The following TRPM3 variants were observed in gnomAD, a reference collection of about 807,000 sequenced individuals.
TRPM3 encodes transient receptor potential cation channel subfamily M member 3.
Under a neutral mutation model 181.2 loss-of-function variants are expected in TRPM3, and 77 were observed. The ratio of observed to expected loss-of-function variants is 0.42; its 90% CI spans 0.35 to 0.51. The LOEUF is 0.51. TRPM3 is among the 20% of genes least tolerant of loss of function. The pLI is 0.01. For synonymous variants in TRPM3, 745 were observed against 796.4 expected, an observed-to-expected ratio of 0.94 and a Z score of 1.09; for missense variants, 1,759 against 2,196.7, an observed-to-expected ratio of 0.80 and a Z score of 3.98.
chr9:70,692,964 T>A (rs1405217898), intron 8 of TRPM3, among the ~76,000 whole-genome samples: 3 of 152,212 alleles, frequency 2.0e-5, no homozygotes, highest in Non-Finnish European at 4.4e-5. Context: ...GATTGACATA[T>A]CTTTCATCCT....
At chr9:71,064,816 T>C (rs2061717134) in intron 1 of TRPM3, among the ~76,000 whole-genome samples, 1 of 152,178 alleles carries the variant, frequency 6.6e-6, no homozygotes, top group South Asian at 2.1e-4. Context: ...TTAGTTCAAT[T>C]GTAATAAAGT....
intron 1 of TRPM3, among the ~76,000 whole-genome samples, chr9:70,891,215 T>C (rs534105199): frequency 6.6e-6 from 1 of 152,026 alleles, no homozygotes; most frequent in Non-Finnish European, 1.5e-5. Context: ...TAATTTTATA[T>C]ACAGTGAAGA....
intron 1 of TRPM3, among the ~76,000 whole-genome samples, chr9:71,182,611 T>C (rs1374920373): frequency 6.6e-6 from 1 of 152,162 alleles, no homozygotes; most frequent in Non-Finnish European, 1.5e-5. Flanking sequence ...TTCAACATAA[T>C]AAAACATAAA....
Position 70,934,862 on chromosome 9 carries a change from C to T in TRPM3, c.178-70351G>A, listed in dbSNP as rs866501102. Among the ~76,000 whole-genome samples the T allele has an allele frequency of 3.3e-5, 5 of 151,936 alleles. No homozygotes were observed. The South Asian group carries it at 8.3e-4, about 25-fold the overall frequency. The stretch of plus-strand genomic sequence containing the variant: ...TTAATGAATTGCGCAATGGAATGAC[C>T]TCCTCCCCCCAAAAAAAATAAAAAC... On this transcript the variant is annotated intron_variant, in intron 1 of 25. Coordinates refer to ENST00000677713, the MANE Select transcript of TRPM3 (RefSeq NM_001366145.2).
At chr9:70,941,133 G>A (rs1473892211) in intron 1 of TRPM3, among the ~76,000 whole-genome samples, 1 of 152,184 alleles carries the variant, frequency 6.6e-6, no homozygotes, top group Non-Finnish European at 1.5e-5. Flanking sequence ...ATGTCTGAGA[G>A]GGTGTTGCCA....
At position 70,951,374 on chromosome 9, in the gene TRPM3, C is replaced by T. The variant is rs575593322; in HGVS notation, c.178-86863G>A. Among the ~76,000 whole-genome samples, 15 of 152,166 alleles carry T rather than the reference C, an allele frequency of 9.9e-5. No homozygotes were observed. In the South Asian group the frequency reaches 3.1e-3, roughly 32 times the overall value. On this transcript the variant is annotated intron_variant, in intron 1 of 25. Transcript: ENST00000677713. ...TTTTTGTTTTTGAGATGAAGTATTG[C>T]TTTGTTGCCTGGGCTGGAGTGAAGT...
chr9:71,258,436 A>G (rs1309017673), intron 1 of TRPM3, among the ~76,000 whole-genome samples: 2 of 152,140 alleles, frequency 1.3e-5, no homozygotes, highest in African/African-American at 2.4e-5. Context: ...AGGGAGTACA[A>G]CCTATCTATC....
At chr9:71,323,482 C>T (rs1446349706) in intron 1 of TRPM3, among the ~76,000 whole-genome samples, 2 of 152,034 alleles carry the variant, frequency 1.3e-5, no homozygotes, top group African/African-American at 4.8e-5. Context: ...ACTGAACTCA[C>T]CAAACTAGTA....
intron 8 of TRPM3, among the ~76,000 whole-genome samples, chr9:70,738,483 C>T (rs1326118386): frequency 1.3e-5 from 2 of 152,072 alleles, no homozygotes; most frequent in African/African-American, 4.8e-5. Context: ...TGGAATACAG[C>T]AAAGGCAGTG....
In TRPM3 at chr9:71,279,982, G is replaced by GC. The variant is rs1464656493; in HGVS notation, c.183+166670dup. ...TCATCCCAGCTACGCAGGAGGCTGAGCCAGTAGAATTGCTGGAACCCAGAG... is the reference window on the plus strand; with the variant it reads ...TCATCCCAGCTACGCAGGAGGCTGAGCCCAGTAGAATTGCTGGAACCCAGAG... On this transcript the variant is annotated intron_variant, in intron 1 of 24. Transcript: ENST00000357533. Among the ~76,000 whole-genome samples, 16 of 151,234 alleles carry GC rather than the reference G, an allele frequency of 1.1e-4. No individual in the cohort carries two copies. In the East Asian group the frequency reaches 3.2e-3, roughly 30 times the overall value.
intron 1 of TRPM3, among the ~76,000 whole-genome samples, chr9:70,914,494 C>T (rs754290211): frequency 2.6e-5 from 4 of 152,198 alleles, no homozygotes; most frequent in Non-Finnish European, 5.9e-5. Flanking sequence ...AAAAGAAAAT[C>T]CCTGCAGTGA....
chr9:71,215,058 AAAAAC>A (rs1325042042), intron 1 of TRPM3, among the ~76,000 whole-genome samples: 5 of 151,434 alleles, frequency 3.3e-5, no homozygotes, highest in African/African-American at 1.2e-4. Flanking sequence ...AAAAAAAAAA[AAAAAC>A]AACAACCCAA....
intron 1 of TRPM3, among the ~76,000 whole-genome samples, chr9:70,912,934 T>C (rs1232784151): frequency 6.6e-6 from 1 of 152,226 alleles, no homozygotes; most frequent in Admixed American, 6.5e-5. Context: ...ATAATGATAA[T>C]GTACATTTAC....
In TRPM3 at chr9:71,151,457, C is replaced by A. The variant is rs150044931; in HGVS notation, c.184-286946G>T. On this transcript the variant is annotated intron_variant, in intron 1 of 24. Transcript: ENST00000357533. ...GTTCATCTATCAGATTGGTAAAAAT[C>A]TAAAAGACATACATATGTGAAGAAT... 1.9e-4 allele frequency among the ~76,000 whole-genome samples: 29 copies of A among 152,090 alleles called. No individual in the cohort carries two copies. The East Asian group carries it at 5.4e-3, about 28-fold the overall frequency.
chr9:71,407,521 G>A (rs570297130), intron 1 of TRPM3, among the ~76,000 whole-genome samples: 4 of 151,922 alleles, frequency 2.6e-5, no homozygotes, highest in African/African-American at 9.7e-5. Flanking sequence ...AGTGAGGCTG[G>A]GGGATGGGCA....
chr9:70,582,324 GTTTC>G (rs2056069679), intron 22 of TRPM3, among the ~76,000 whole-genome samples: 1 of 151,964 alleles, frequency 6.6e-6, no homozygotes, highest in Non-Finnish European at 1.5e-5. Flanking sequence ...AGCTTTTCTA[GTTTC>G]TTTATATGTA....
At position 71,386,584 on chromosome 9, in the gene TRPM3, T is replaced by C. The variant is rs113331434; in HGVS notation, c.183+60069A>G. Among the ~76,000 whole-genome samples the C allele has an allele frequency of 6.5e-3, 987 of 152,278 alleles. 16 individuals are homozygous for C. The highest frequency in any genetic ancestry group is 0.023 in the African/African-American group (945 of 41,556). On this transcript the variant is annotated intron_variant, in intron 1 of 24. Transcript: ENST00000357533. ...AATATCAAGGTACAGATGTATCTGG[T>C]AGTCAATTGGATATTGGAACTGTGT...
Position 70,862,891 on chromosome 9 carries a change from AATGGCTTTCTGATTACC to A in TRPM3, c.462_462+16del. The A allele has an allele frequency of 6.2e-7, 1 of 1,612,430 alleles. No homozygotes were observed. Among genetic ancestry groups the A allele is most frequent in the Non-Finnish European group, 8.5e-7 (1 of 1,179,026 alleles). On this transcript the variant is annotated splice_donor_variant and splice_donor_5th_base_variant and coding_sequence_variant and intron_variant, in exon 3 of 26. Coordinates refer to ENST00000677713, the MANE Select transcript of TRPM3 (RefSeq NM_001366145.2). LOFTEE classifies it high-confidence loss of function. ...TTGAGATAGCATTTGGGAGCAACTGAATGGCTTTCTGATTACCATGGCTTTGTTGGAATGGCCACCTC... is the reference window on the plus strand; with the variant it reads ...TTGAGATAGCATTTGGGAGCAACTGAATGGCTTTGTTGGAATGGCCACCTC...
rs532230372 is a variant in TRPM3, at chr9:70,749,987, T to A, written c.1272+11614A>T. ...CTCATTTAAAATAATTACTATTTAATCTGGGTTGTGATAACCAACTAATTC... is the reference window on the plus strand; with the variant it reads ...CTCATTTAAAATAATTACTATTTAAACTGGGTTGTGATAACCAACTAATTC... On this transcript the variant is annotated intron_variant, in intron 8 of 25. Coordinates refer to ENST00000677713, the MANE Select transcript of TRPM3 (RefSeq NM_001366145.2). Among the ~76,000 whole-genome samples, 202 of 152,322 alleles carry A rather than the reference T, an allele frequency of 1.3e-3. 1 individual carries two copies. The highest frequency in any genetic ancestry group is 1.1e-3 in the Non-Finnish European group (73 of 68,028).
Sources: gnomAD v4.1 joint callset for allele counts (sites outside exome capture counted in the v4.1 genomes callset) on GRCh38, gnomAD v4.1.1 for gene constraint, MANE v1.5 for transcripts, NCBI Gene and HGNC (gene_info 2026-07-23, HGNC 2026-07-21) for gene names.